The following ZSCAN5A variants were observed in gnomAD, a reference collection of about 807,000 sequenced individuals.
The protein encoded by ZSCAN5A is zinc finger and SCAN domain-containing protein 5A.
A neutral mutation model predicts 23.7 loss-of-function variants in ZSCAN5A; 12 were observed. The observed-to-expected ratio is 0.51, with a 90% CI of 0.32 to 0.82. The LOEUF (loss-of-function observed/expected upper bound fraction) is 0.82, where lower values mean the gene tolerates loss of function less well. Ranked by LOEUF, ZSCAN5A falls within the 40% of genes least tolerant of loss-of-function variation. ZSCAN5A has a pLI of 0.03. For missense variants in ZSCAN5A, 597 were observed against 617.9 expected (o/e 0.97, Z 0.36); for synonymous variants, 257 against 239.9 (o/e 1.07, Z -0.66).
At chr19:56,324,862 C>T (rs1196432291) in intron 2 of ZSCAN5A, among the ~76,000 whole-genome samples, 1 of 152,210 alleles carries the variant, frequency 6.6e-6, no homozygotes, top group Non-Finnish European at 1.5e-5. Context: ...CTATTTCAAT[C>T]TATTCCTATA....
At chr19:56,264,026 A>AT (rs2037302090) in intron 2 of ZSCAN5A, among the ~76,000 whole-genome samples, 1 of 150,612 alleles carries the variant, frequency 6.6e-6, no homozygotes, top group Admixed American at 6.6e-5. Flanking sequence ...CTGGAGTGCA[A>AT]TGGCATGATC....
At chr19:56,252,774 C>T (rs1479369763) in intron 2 of ZSCAN5A, among the ~76,000 whole-genome samples, 1 of 152,176 alleles carries the variant, frequency 6.6e-6, no homozygotes, top group Admixed American at 6.5e-5. Flanking sequence ...ACCATGGTCA[C>T]CAGGGGAAAT....
At chr19:56,247,181 C>T in intron 2 of ZSCAN5A, 34 of 552,166 alleles carry the variant, frequency 6.2e-5, no homozygotes, top group Middle Eastern at 2.9e-4. Context: ...ACGCAGCTCT[C>T]AGACCTCCGC....
chr19:56,359,906 T>C (rs2041723742), intron 2 of ZSCAN5A, among the ~76,000 whole-genome samples: 1 of 152,110 alleles, frequency 6.6e-6, no homozygotes, highest in African/African-American at 2.4e-5. Flanking sequence ...CTCAATAAAC[T>C]AGGTATTGAT....
intron 2 of ZSCAN5A, among the ~76,000 whole-genome samples, chr19:56,232,481 T>A (rs933084009): frequency 1.3e-5 from 2 of 151,962 alleles, no homozygotes; most frequent in Admixed American, 1.3e-4. Context: ...TTATATCAAC[T>A]GTACCTCAAT....
chr19:56,293,783 C>T (rs902603507), intron 2 of ZSCAN5A, among the ~76,000 whole-genome samples: 6 of 152,108 alleles, frequency 3.9e-5, no homozygotes, highest in African/African-American at 7.2e-5. Flanking sequence ...GGGAGGCTAA[C>T]GGCATCTAAT....
At chr19:56,268,721 C>A (rs988172127) in intron 2 of ZSCAN5A, among the ~76,000 whole-genome samples, 1 of 152,118 alleles carries the variant, frequency 6.6e-6, no homozygotes, top group African/African-American at 2.4e-5. Flanking sequence ...AACCGTCACC[C>A]ACATCTAGTT....
At chr19:56,309,641 G>A (rs1267081652) in intron 2 of ZSCAN5A, among the ~76,000 whole-genome samples, 1 of 152,212 alleles carries the variant, frequency 6.6e-6, no homozygotes, top group Non-Finnish European at 1.5e-5. Flanking sequence ...CAAACCTTAA[G>A]GTTCTCTTCC....
chr19:56,296,612 G>A (rs1209199179), intron 2 of ZSCAN5A, among the ~76,000 whole-genome samples: 1 of 152,120 alleles, frequency 6.6e-6, no homozygotes, highest in Non-Finnish European at 1.5e-5. Flanking sequence ...ACAGAAGTCT[G>A]TGACCAAGTG....
chr19:56,257,772 CAG>C (rs2036813547), intron 2 of ZSCAN5A, among the ~76,000 whole-genome samples: 1 of 131,040 alleles, frequency 7.6e-6, no homozygotes. Context: ...ACACAGGCGC[CAG>C]GGGACTCTGC....
intron 4 of ZSCAN5A, among the ~76,000 whole-genome samples, 158 bp downstream of exon 4, chr19:56,223,473 T>C (rs1477954181): frequency 6.6e-6 from 1 of 152,232 alleles, no homozygotes; most frequent in East Asian, 1.9e-4. Flanking sequence ...TCCCTCTCTG[T>C]GATGGCTCAG....
intron 2 of ZSCAN5A, chr19:56,228,295 G>T (rs890532663): frequency 5.1e-6 from 5 of 985,088 alleles, no homozygotes; most frequent in Non-Finnish European, 6.0e-6. Flanking sequence ...TCTGGGATGC[G>T]CTCTCCAACC....
chr19:56,243,934 A>T (rs59563883), intron 2 of ZSCAN5A: 9,534 of 561,792 alleles, frequency 0.017, 683 homozygotes, highest in African/African-American at 0.16. Context: ...CTGAACAGTG[A>T]ATCTATTATT....
intron 2 of ZSCAN5A, among the ~76,000 whole-genome samples, chr19:56,288,191 CCA>C (rs2039266557): frequency 6.6e-6 from 1 of 152,168 alleles, no homozygotes; most frequent in Admixed American, 6.5e-5. Flanking sequence ...TCACTGAGCT[CCA>C]GATACTCTCC....
chr19:56,364,315 A>C (rs79323689), intron 1 of ZSCAN5A, among the ~76,000 whole-genome samples: 2 of 152,244 alleles, frequency 1.3e-5, no homozygotes, highest in Non-Finnish European at 2.9e-5. Context: ...GTTACTCAAG[A>C]AAGTTGAGAA....
rs1600141152 is a variant in ZSCAN5A, at chr19:56,270,038, C to T, written c.-128+43245G>A. Among the ~76,000 whole-genome samples the T allele has an allele frequency of 1.3e-5, 2 of 152,004 alleles. 1 individual carries two copies. The highest frequency in any genetic ancestry group is 2.9e-5 in the Non-Finnish European group (2 of 68,020). On this transcript the variant is annotated intron_variant, in intron 2 of 5. Coordinates refer to ENST00000683990, the MANE Select transcript of ZSCAN5A (RefSeq NM_001322064.3). ...ATTGACTCAATGTCTGTGATTCTAACTGATTGGCTGTCTGTGACTATAACA... is the reference window on the plus strand; with the variant it reads ...ATTGACTCAATGTCTGTGATTCTAATTGATTGGCTGTCTGTGACTATAACA...
chr19:56,289,029 T>C (rs933395136), intron 2 of ZSCAN5A, among the ~76,000 whole-genome samples: 1 of 152,182 alleles, frequency 6.6e-6, no homozygotes, highest in African/African-American at 2.4e-5. Flanking sequence ...ATCAGGAGCA[T>C]CATCAGTACA....
chr19:56,246,468 T>C, intron 2 of ZSCAN5A: 1 of 623,258 alleles, frequency 1.6e-6, no homozygotes, highest in South Asian at 2.0e-5. Context: ...ACGGTCCTAG[T>C]GAGTATGAAG....
intron 2 of ZSCAN5A, chr19:56,312,171 C>T (rs891120846): frequency 6.6e-6 from 1 of 152,120 alleles, no homozygotes; most frequent in Non-Finnish European, 1.5e-5. Flanking sequence ...GTATTTTTCA[C>T]TTATGGCACA....
Sources: allele counts gnomAD v4.1 joint callset (sites outside exome capture counted in the v4.1 genomes callset), GRCh38; gene constraint gnomAD v4.1.1; transcripts MANE v1.5; gene names NCBI Gene and HGNC (gene_info 2026-07-23, HGNC 2026-07-21).